Variants in FBXW8 observed in about 807,000 individuals in gnomAD.
The protein encoded by FBXW8 is F-box and WD repeat domain containing 8.
In FBXW8, 57 loss-of-function variants were observed where a neutral mutation model predicts 65.3. The observed-to-expected ratio is 0.87, with a 90% CI of 0.71 to 1.09. FBXW8 has a LOEUF of 1.09. Among genes scored for constraint, FBXW8 ranks in the 50% least tolerant of loss-of-function variants. FBXW8 has a pLI of 0.00. For synonymous variants in FBXW8, 308 were observed against 330.2 expected (o/e 0.93, Z 0.73); for missense variants, 777 against 814.8 (o/e 0.95, Z 0.57).
At chr12:117,021,167 G>A (rs1565945638) in intron 8 of FBXW8, among the ~76,000 whole-genome samples, 7 of 152,180 alleles carry the variant, frequency 4.6e-5, no homozygotes, top group African/African-American at 1.7e-4. Flanking sequence ...TGGGTAGATT[G>A]GTGACAAGTG....
rs1883996370 is a variant in FBXW8 at position 116,961,778 on chromosome 12, G to A, written c.678-2919G>A. 2.0e-5 allele frequency among the ~76,000 whole-genome samples: 3 copies of A among 152,188 alleles called. No individual in the cohort carries two copies. The highest frequency in any genetic ancestry group is 4.1e-4 in the South Asian group (2 of 4,824). The stretch of plus-strand genomic sequence containing the variant: ...CTGCCGTGAAGGTAGATCGTAGTGC[G>A]GTGTAGTGTGGCATGTGAGGGAGAA... On this transcript the variant is annotated intron_variant, in intron 4 of 10. Coordinates refer to ENST00000652555, the MANE Select transcript of FBXW8 (RefSeq NM_153348.3). This position sits in a 1 kb window ranked among gnomAD's most constrained non-coding sequence, Gnocchi z 4.4.
chr12:117,014,723 C>T (rs552282339), intron 8 of FBXW8, among the ~76,000 whole-genome samples: 1 of 152,202 alleles, frequency 6.6e-6, no homozygotes, highest in African/African-American at 2.4e-5. Context: ...TTTTGGTCTG[C>T]GCATGTGCCA....
intron 10 of FBXW8, among the ~76,000 whole-genome samples, 175 bp from the exon 11 acceptor site, chr12:117,027,853 C>T (rs1954270901): frequency 2.0e-5 from 3 of 152,252 alleles, no homozygotes; most frequent in South Asian, 2.1e-4. Context: ...TGCACCCCCA[C>T]GTTGACCGCT....
rs1593024815 is a variant in FBXW8, at chr12:116,911,240, C to T, written c.203C>T (p.Ala68Val). 8.1e-7 allele frequency: 1 copy of T among 1,239,710 alleles called. No homozygotes were observed. The highest frequency in any genetic ancestry group is 1.0e-6 in the Non-Finnish European group (1 of 994,072). The allele number at this position is 1,239,710 out of a possible 1,614,324, so 76.8% of individuals were successfully genotyped here. ...CTGGAGGGCGCGGGGAGGCCCCCGG[C>T]GGCGCGGGCGACTCGGGCCGAGGGG... is the stretch of plus-strand genomic sequence containing the variant. ...RLLEGAGRPPAARATRAEGQD... is the reference protein window; with the variant it reads ...RLLEGAGRPPVARATRAEGQD... The change falls in exon 1 of 11, where the codon GCG becomes GTG. Residue 68 changes from alanine (A) to valine (V), a missense_variant. Ala to Val is a moderately conservative substitution (Grantham distance 64, BLOSUM62 0). Coordinates refer to ENST00000652555, the MANE Select transcript of FBXW8 (RefSeq NM_153348.3).
At chr12:116,966,313 C>G (rs1884323353) in intron 5 of FBXW8, among the ~76,000 whole-genome samples, 1 of 152,112 alleles carries the variant, frequency 6.6e-6, no homozygotes, top group African/African-American at 2.4e-5. Flanking sequence ...GATTGCAGTA[C>G]TTTTAAGTTA....
intron 4 of FBXW8, among the ~76,000 whole-genome samples, chr12:116,953,675 A>C (rs754178024): frequency 6.6e-6 from 1 of 152,024 alleles, no homozygotes; most frequent in Non-Finnish European, 1.5e-5. Context: ...CAGGAGGCTG[A>C]GGCAGGAGAA....
At position 116,916,022 on chromosome 12, in the gene FBXW8, A is replaced by G. The variant is rs1047698761; in HGVS notation, c.318+4667A>G. ...TATATTAAGTGGAGTCAAACAGCAC[A>G]TACTCATGTGTCTTTGAGTTCTCGT... is the stretch of plus-strand genomic sequence containing the variant. On this transcript the variant is annotated intron_variant, in intron 1 of 10. Transcript: ENST00000652555. Among the ~76,000 whole-genome samples, 63 of 152,168 alleles carry G rather than the reference A, an allele frequency of 4.1e-4. 1 individual carries two copies. The highest frequency in any genetic ancestry group is 1.5e-3 in the African/African-American group (63 of 41,422).
At chr12:116,942,654 G>A (rs952216456) in intron 2 of FBXW8, among the ~76,000 whole-genome samples, 6 of 151,964 alleles carry the variant, frequency 3.9e-5, no homozygotes, top group East Asian at 1.9e-4. Context: ...GATTACAGGC[G>A]TGAGCCACTG....
rs374144630 is a variant in FBXW8, at chr12:116,985,353, A to G, written c.983A>G (p.Asn328Ser). ...SAFDVVMLSP[N>S]EEGYWQIAAE... ...TTTGATGTCGTGATGTTATCCCCCA[A>G]TGAGGAGGGGTACTGGCAGATAGCT... The change falls in exon 6 of 11, where the codon AAT (asparagine) becomes AGT (serine). Residue 328 changes from asparagine (N) to serine (S), a missense_variant. Coordinates refer to ENST00000652555, the MANE Select transcript of FBXW8 (RefSeq NM_153348.3). 84 of 1,614,022 alleles carry G rather than the reference A, an allele frequency of 5.2e-5. No homozygotes were observed. In the Admixed American group the frequency reaches 5.3e-4, roughly 10 times the overall value.
intron 5 of FBXW8, among the ~76,000 whole-genome samples, chr12:116,981,250 C>A (rs1050768635): frequency 6.6e-6 from 1 of 152,196 alleles, no homozygotes; most frequent in African/African-American, 2.4e-5. Flanking sequence ...CACTCAAACA[C>A]CCCTCCCTGT....
chr12:117,011,293 C>CCAGA (rs1953808460), intron 8 of FBXW8, among the ~76,000 whole-genome samples: 1 of 152,052 alleles, frequency 6.6e-6, no homozygotes, highest in South Asian at 2.1e-4. Flanking sequence ...GAGGCGGGTA[C>CCAGA]TCCTCTGTGC....
At chr12:116,991,084 A>C (rs1000016569) in intron 7 of FBXW8, among the ~76,000 whole-genome samples, 1 of 152,240 alleles carries the variant, frequency 6.6e-6, no homozygotes, top group Non-Finnish European at 1.5e-5. Flanking sequence ...AATGTTTCTA[A>C]ATGTCTCTTT....
chr12:116,921,128 C>T (rs1593038666), intron 1 of FBXW8, among the ~76,000 whole-genome samples: 1 of 152,296 alleles, frequency 6.6e-6, no homozygotes, highest in East Asian at 1.9e-4. Flanking sequence ...CCAGAGTCCC[C>T]AGGAGAGTGA....
intron 2 of FBXW8, among the ~76,000 whole-genome samples, chr12:116,942,179 C>T (rs1427926315): frequency 6.6e-6 from 1 of 151,688 alleles, no homozygotes; most frequent in Non-Finnish European, 1.5e-5. Flanking sequence ...CAGGCACACA[C>T]CATCACATCT....
At chr12:116,926,964 A>G (rs2137306758) in intron 1 of FBXW8, among the ~76,000 whole-genome samples, 2 of 152,210 alleles carry the variant, frequency 1.3e-5, no homozygotes, top group East Asian at 3.9e-4. Flanking sequence ...TTGAGACAGC[A>G]GCCTTGCAAT....
rs1045950210 is a variant in FBXW8 at position 117,010,721 on chromosome 12, G to T, written c.1367+271G>T. On this transcript the variant is annotated intron_variant, in intron 8 of 10. Coordinates refer to ENST00000652555, the MANE Select transcript of FBXW8 (RefSeq NM_153348.3). The stretch of plus-strand genomic sequence containing the variant: ...CCGCAGTTGGTAGAAGGTCCAGGGA[G>T]ACCACTTGGAATATCTTTTGTCCCC... Among the ~76,000 whole-genome samples, 9 of 152,350 alleles carry T rather than the reference G, an allele frequency of 5.9e-5. No individual in the cohort carries two copies. The East Asian group carries it at 1.5e-3, about 26-fold the overall frequency.
intron 4 of FBXW8, among the ~76,000 whole-genome samples, chr12:116,960,152 T>G (rs942524717): frequency 1.3e-5 from 2 of 152,242 alleles, no homozygotes; most frequent in African/African-American, 4.8e-5. Flanking sequence ...TTATCTGTTC[T>G]TGCTGCTCCT....
At chr12:116,968,713 C>T (rs1486447974) in intron 5 of FBXW8, among the ~76,000 whole-genome samples, 2 of 152,080 alleles carry the variant, frequency 1.3e-5, no homozygotes, top group Non-Finnish European at 2.9e-5. Flanking sequence ...CACAGTTTTG[C>T]CAACAAAGTA....
intron 7 of FBXW8, chr12:117,002,365 G>C (rs1953546920): frequency 6.6e-6 from 1 of 152,330 alleles, no homozygotes; most frequent in Admixed American, 6.5e-5. Context: ...GGCTCAGGCT[G>C]CTTCTCCCTT....
Sources: allele counts gnomAD v4.1 joint callset (sites outside exome capture counted in the v4.1 genomes callset), GRCh38; gene constraint gnomAD v4.1.1; non-coding constraint Gnocchi (gnomAD v3.1); transcripts MANE v1.5; gene names NCBI Gene and HGNC (gene_info 2026-07-23, HGNC 2026-07-21).